The following SYCP1 variants were observed in gnomAD, a reference collection of about 807,000 sequenced individuals.
SYCP1 encodes the protein cancer/testis antigen 8.
Under a neutral mutation model 153.1 loss-of-function variants are expected in SYCP1, and 64 were observed. That is an observed-to-expected ratio of 0.42 (90% CI 0.34 to 0.51). The LOEUF (loss-of-function observed/expected upper bound fraction) is 0.51. Among genes scored for constraint, SYCP1 ranks in the 20% least tolerant of loss-of-function variants. The pLI, the probability that SYCP1 is intolerant of heterozygous loss-of-function variation, is 0.06. For missense variants in SYCP1, 997 were observed against 1,049.0 expected, an observed-to-expected ratio of 0.95 and a Z score of 0.68; for synonymous variants, 384 against 341.8, an observed-to-expected ratio of 1.12 and a Z score of -1.36.
chr1:114,952,348 C>T (rs1229180355), intron 27 of SYCP1, among the ~76,000 whole-genome samples: 1 of 152,050 alleles, frequency 6.6e-6, no homozygotes, highest in African/African-American at 2.4e-5. Flanking sequence ...TTTAGTTATT[C>T]CTGTAGGTTT....
chr1:114,869,910 A>G (rs747898526), intron 8 of SYCP1, among the ~76,000 whole-genome samples: 2 of 152,152 alleles, frequency 1.3e-5, no homozygotes, highest in Admixed American at 6.6e-5. Flanking sequence ...TTGCGGTTCT[A>G]CCAGTTTTTG....
intron 30 of SYCP1, among the ~76,000 whole-genome samples, chr1:114,991,779 A>G (rs938573437): frequency 2.0e-5 from 3 of 151,816 alleles, no homozygotes; most frequent in African/African-American, 4.8e-5. Flanking sequence ...CTGCTATTCA[A>G]CATTGTACTG....
intron 27 of SYCP1, among the ~76,000 whole-genome samples, chr1:114,957,136 C>G (rs1671494227): frequency 6.6e-6 from 1 of 151,822 alleles, no homozygotes; most frequent in African/African-American, 2.4e-5. Flanking sequence ...ACAATCATAG[C>G]TCACTGGAAT....
Position 114,933,525 on chromosome 1 carries a change from A to G in SYCP1, c.1926+6962A>G, listed in dbSNP as rs533779752. Among the ~76,000 whole-genome samples, 8 of 152,346 alleles carry G rather than the reference A, an allele frequency of 5.3e-5. No individual in the cohort carries two copies. In the South Asian group the frequency reaches 1.0e-3, roughly 20 times the overall value. ...AAAGGAATGCAGCTCCTCGCCAGCA[A>G]TGGAACAAAGCTGGATGGAGAATGA... On this transcript the variant is annotated intron_variant, in intron 23 of 31. Transcript: ENST00000369522.
chr1:114,945,884 A>C (rs1185799913), intron 25 of SYCP1, among the ~76,000 whole-genome samples: 1 of 152,034 alleles, frequency 6.6e-6, no homozygotes, highest in East Asian at 1.9e-4. Flanking sequence ...GCACCCATTA[A>C]CTCATCATTT....
Position 114,887,640 on chromosome 1 carries a change from A to G in SYCP1, c.1205A>G (p.Glu402Gly). 6.4e-7 allele frequency: 1 copy of G among 1,562,084 alleles called. No homozygotes were observed. The highest frequency in any genetic ancestry group is 8.7e-7 in the Non-Finnish European group (1 of 1,150,464). The part of the protein sequence containing the change: ...RTEQQRLEKN[E>G]DQLKILTMEL... The stretch of plus-strand genomic sequence containing the variant: ...TATTTTACAAGATTGGAAAAAAATG[A>G]AGATCAATTGAAAATACTTACCATG... Residue 402 changes from glutamate (E) to glycine (G), a missense_variant, in exon 15 of 32, where the codon GAA (glutamate) becomes GGA (glycine). Glu to Gly is a moderately conservative substitution (Grantham distance 98). Transcript: ENST00000369522.
At chr1:114,967,132 G>A (rs979097266) in intron 27 of SYCP1, among the ~76,000 whole-genome samples, 1 of 152,194 alleles carries the variant, frequency 6.6e-6, no homozygotes, top group African/African-American at 2.4e-5. Flanking sequence ...ATGCGGTGCT[G>A]AGAAGAATGT....
At chr1:114,865,971 A>G (rs112545535) in intron 8 of SYCP1, among the ~76,000 whole-genome samples, 135 of 152,306 alleles carry the variant, frequency 8.9e-4, no homozygotes, top group African/African-American at 3.2e-3. Flanking sequence ...ACTTAGTAAT[A>G]TGCATTCAAG....
Position 114,892,971 on chromosome 1 carries a change from T to A in SYCP1, c.1259-2477T>A, listed in dbSNP as rs994248894. 3.3e-5 allele frequency among the ~76,000 whole-genome samples: 5 copies of A among 152,098 alleles called. No homozygotes were observed. In the East Asian group the frequency reaches 9.7e-4, roughly 29 times the overall value. On this transcript the variant is annotated intron_variant, in intron 15 of 31. Transcript: ENST00000369522. ...AGCATAAATTCCCTCTATGGAGCAA[T>A]GCCTTTGTGAGATCTCTAGGCAGCT...
chr1:114,944,422 C>CA lies in SYCP1; in HGVS notation c.2015dup (p.Ile673AspfsTer11). The CA allele has an allele frequency of 6.2e-7, 1 of 1,601,660 alleles. No homozygotes were observed. The highest frequency in any genetic ancestry group is 8.5e-7 in the Non-Finnish European group (1 of 1,174,522). On this transcript the variant is annotated frameshift_variant, in exon 24 of 32. Coordinates refer to ENST00000369522, the MANE Select transcript of SYCP1 (RefSeq NM_003176.4). LOFTEE classifies it high-confidence loss of function. ...ACACCTATCAGAAAGAAATTGAGGA[C>CA]AAAAAGATATCAGAAGAAAATCTTT... is the stretch of plus-strand genomic sequence containing the variant.
intron 7 of SYCP1, among the ~76,000 whole-genome samples, 169 bp from the exon 8 acceptor site, chr1:114,860,567 C>T (rs950672329): frequency 3.3e-5 from 5 of 152,074 alleles, no homozygotes; most frequent in Non-Finnish European, 7.4e-5. Context: ...GTAGTACAGT[C>T]AACCCACTGT....
chr1:114,937,403 A>G (rs1185026908), intron 23 of SYCP1, among the ~76,000 whole-genome samples: 1 of 152,222 alleles, frequency 6.6e-6, no homozygotes, highest in Admixed American at 6.5e-5. Flanking sequence ...TTCAAGATGG[A>G]TTAAAGACTT....
chr1:114,876,023 C>A, intron 9 of SYCP1, 46 bp from the exon 10 acceptor site: 2 of 1,291,378 alleles, frequency 1.5e-6, no homozygotes, highest in Non-Finnish European at 2.1e-6. Context: ...TTGAAGAAAG[C>A]TATTTAAAAA....
intron 30 of SYCP1, among the ~76,000 whole-genome samples, chr1:114,986,231 T>A (rs1673498111): frequency 6.6e-6 from 1 of 151,964 alleles, no homozygotes; most frequent in Admixed American, 6.6e-5. Context: ...GATCACATAG[T>A]TAGTAAGACA....
intron 8 of SYCP1, among the ~76,000 whole-genome samples, chr1:114,873,447 A>G (rs1309764537): frequency 6.6e-6 from 1 of 152,140 alleles, no homozygotes; most frequent in Non-Finnish European, 1.5e-5. Flanking sequence ...CCCATTTTCC[A>G]TCTGGATGGC....
intron 30 of SYCP1, among the ~76,000 whole-genome samples, chr1:114,987,229 G>A (rs1673576664): frequency 6.6e-6 from 1 of 152,010 alleles, no homozygotes; most frequent in African/African-American, 2.4e-5. Flanking sequence ...AAGACCATAA[G>A]CTTTTATCTC....
intron 28 of SYCP1, among the ~76,000 whole-genome samples, chr1:114,980,707 T>C (rs577222931): frequency 2.6e-5 from 4 of 151,954 alleles, no homozygotes; most frequent in Non-Finnish European, 5.9e-5. Context: ...TAAAGATTTT[T>C]TTTTATTTTT....
At chr1:114,950,508 C>G (rs1350269235) in intron 27 of SYCP1, among the ~76,000 whole-genome samples, 1 of 152,006 alleles carries the variant, frequency 6.6e-6, no homozygotes, top group Non-Finnish European at 1.5e-5. Flanking sequence ...AAACCCATAT[C>G]TCAGAGTTTA....
chr1:114,867,001 A>G (rs752071018), intron 8 of SYCP1, among the ~76,000 whole-genome samples: 1 of 151,812 alleles, frequency 6.6e-6, no homozygotes, highest in African/African-American at 2.4e-5. Flanking sequence ...TTTGTCAAAT[A>G]TCAGTTGACT....
Sources: allele counts gnomAD v4.1 joint callset (sites outside exome capture counted in the v4.1 genomes callset), GRCh38; gene constraint gnomAD v4.1.1; transcripts MANE v1.5; gene names NCBI Gene and HGNC (gene_info 2026-07-23, HGNC 2026-07-21).